The following GLI2 variants were observed in gnomAD, a reference collection of about 807,000 sequenced individuals.
The protein encoded by GLI2 is transcription activator GLI2.
In GLI2, 22 loss-of-function variants were observed where a neutral mutation model predicts 78.9. The observed-to-expected ratio is 0.28, with a 90% confidence interval of 0.20 to 0.40. The LOEUF (loss-of-function observed/expected upper bound fraction) is 0.40, where lower values mean the gene tolerates loss of function less well. Among genes scored for constraint, GLI2 ranks in the 10% least tolerant of loss-of-function variants. The probability of loss-of-function intolerance (pLI) is 1.00; values close to 1 mark genes in which losing one functional copy is unlikely to be tolerated. For synonymous variants in GLI2, 974 were observed against 963.7 expected (o/e 1.01, Z -0.20); for missense variants, 2,097 against 2,213.2 (o/e 0.95, Z 1.05).
chr2:120,823,938 T>C (rs1318904090), intron 2 of GLI2, among the ~76,000 whole-genome samples: 1 of 152,252 alleles, frequency 6.6e-6, no homozygotes, highest in East Asian at 1.9e-4. Flanking sequence ...CGTATTCCTG[T>C]AAAACCATGC....
intron 5 of GLI2, among the ~76,000 whole-genome samples, chr2:120,968,104 G>A (rs1350102493): frequency 6.6e-6 from 1 of 152,200 alleles, no homozygotes; most frequent in African/African-American, 2.4e-5. Context: ...GCAAGCTTCT[G>A]CCACACACAA....
chr2:120,911,509 C>A (rs528117979), intron 2 of GLI2, among the ~76,000 whole-genome samples: 1 of 152,152 alleles, frequency 6.6e-6, no homozygotes, highest in Non-Finnish European at 1.5e-5. Context: ...GGCTTTCTCT[C>A]CTCGGTCCTA....
chr2:120,817,042 A>C (rs1378812511), intron 2 of GLI2, among the ~76,000 whole-genome samples: 2 of 152,236 alleles, frequency 1.3e-5, no homozygotes, highest in Non-Finnish European at 2.9e-5. Context: ...CACATCTTCC[A>C]AATTAGAAGT....
Position 120,988,393 on chromosome 2 carries a change from TC to T in GLI2, c.2433del (p.Tyr812ThrfsTer83). ...YTVSRRSSGI[S>X]PYFSSRRSSE... is the part of the protein sequence containing the mutation. ...CGTGAGCCGCCGCTCCTCCGGCATC[TC>T]CCCCTACTTCTCCAGCCGCCGCTCC... On this transcript the variant is annotated frameshift_variant, in exon 14 of 14. Coordinates refer to ENST00000361492, the MANE Select transcript of GLI2 (RefSeq NM_001374353.1). LOFTEE classifies it low-confidence loss of function (END_TRUNC). 1 of 1,568,772 alleles carries T rather than the reference TC, an allele frequency of 6.4e-7. No homozygotes were observed. The highest frequency in any genetic ancestry group is 8.6e-7 in the Non-Finnish European group (1 of 1,167,674).
chr2:120,865,802 C>A (rs983938875), intron 2 of GLI2, among the ~76,000 whole-genome samples: 8 of 152,238 alleles, frequency 5.3e-5, no homozygotes, highest in Non-Finnish European at 1.0e-4. Context: ...TGCCAGCCAA[C>A]GCCTGCTCAT....
intron 1 of GLI2, among the ~76,000 whole-genome samples, chr2:120,782,319 G>A (rs1321899726): frequency 6.6e-6 from 1 of 152,188 alleles, no homozygotes; most frequent in Non-Finnish European, 1.5e-5. Flanking sequence ...GATAGCTGGA[G>A]TTCTGCTCTT....
intron 1 of GLI2, among the ~76,000 whole-genome samples, chr2:120,753,915 CAAA>C (rs1164921224): frequency 4.6e-5 from 3 of 64,690 alleles, no homozygotes; most frequent in Admixed American, 1.8e-4. Context: ...GACTCCATCT[CAAA>C]AAAAAAAAAA....
In GLI2 at chr2:120,942,633, G is replaced by A. The variant is rs184408359; in HGVS notation, c.255-8610G>A. ...CTGGGAGATCTCATGAGCCCCCCAC[G>A]TGCCTTCCCTCTGCTCCTCACAACA... On this transcript the variant is annotated intron_variant, in intron 3 of 13. Transcript: ENST00000361492. 1.4e-4 allele frequency among the ~76,000 whole-genome samples: 21 copies of A among 152,254 alleles called. No individual in the cohort carries two copies. The East Asian group carries it at 3.5e-3, about 25-fold the overall frequency.
intron 2 of GLI2, among the ~76,000 whole-genome samples, chr2:120,905,561 C>T (rs1189549607): frequency 3.9e-5 from 6 of 152,200 alleles, no homozygotes; most frequent in South Asian, 2.1e-4. Context: ...CCTTTCCAGA[C>T]GCTCAGAGCC....
chr2:120,853,162 G>C (rs537019110), intron 2 of GLI2, among the ~76,000 whole-genome samples: 1 of 152,182 alleles, frequency 6.6e-6, no homozygotes, highest in Non-Finnish European at 1.5e-5. Context: ...GGGGCTGGAG[G>C]GGGGTAGGTC....
At chr2:120,877,453 C>T (rs962970081) in intron 2 of GLI2, among the ~76,000 whole-genome samples, 4 of 152,184 alleles carry the variant, frequency 2.6e-5, no homozygotes, top group East Asian at 1.9e-4. Context: ...AACACATCCA[C>T]GTAACCAGCA....
rs1347638065 is a variant in GLI2, at chr2:120,917,927, G to A, written c.149-9434G>A. Among the ~76,000 whole-genome samples the A allele has an allele frequency of 3.3e-5, 5 of 152,228 alleles. No individual in the cohort carries two copies. In the East Asian group the frequency reaches 9.6e-4, roughly 29 times the overall value. On this transcript the variant is annotated intron_variant, in intron 2 of 13. Coordinates refer to ENST00000361492, the MANE Select transcript of GLI2 (RefSeq NM_001374353.1). ...GTGGGAACCACCAGAGCTTGTAGTA[G>A]CCAGCCTAAGCCTCCTGGGGATTGG...
chr2:120,753,822 C>T (rs1253432681), intron 1 of GLI2, among the ~76,000 whole-genome samples: 3 of 149,210 alleles, frequency 2.0e-5, no homozygotes, highest in Admixed American at 6.7e-5. Context: ...GGCGGAAACC[C>T]GGGAGGCGGA....
intron 2 of GLI2, among the ~76,000 whole-genome samples, chr2:120,910,242 C>T (rs1455228662): frequency 6.6e-6 from 1 of 152,194 alleles, no homozygotes; most frequent in Non-Finnish European, 1.5e-5. Context: ...GTCAGCAGGC[C>T]TGAGCCAGGG....
At chr2:120,942,022 C>T (rs1680472211) in intron 3 of GLI2, among the ~76,000 whole-genome samples, 1 of 152,190 alleles carries the variant, frequency 6.6e-6, no homozygotes, top group African/African-American at 2.4e-5. Flanking sequence ...TCAAAGGGAG[C>T]ATCTACTGGA....
At chr2:120,984,429 C>G in intron 11 of GLI2, 42 bp from the exon 12 acceptor site, 10 of 1,608,510 alleles carry the variant, frequency 6.2e-6, no homozygotes, top group Non-Finnish European at 8.5e-6. Flanking sequence ...AGAGTTGATC[C>G]TCGTACCCCT....
chr2:120,982,893 GGCATGCACTGGGCAT>G lies in GLI2; in HGVS notation c.1632+17_1632+31del. On this transcript the variant is annotated intron_variant, in intron 11 of 13. Coordinates refer to ENST00000361492, the MANE Select transcript of GLI2 (RefSeq NM_001374353.1). Reference sequence around the variant, plus strand: ...CCACTCCAACGAGGTACCTCTGCGGGGCATGCACTGGGCATGCACACTGGGGCCCCACTGACGCCC... The same window carrying G: ...CCACTCCAACGAGGTACCTCTGCGGGGCACACTGGGGCCCCACTGACGCCC... The G allele has an allele frequency of 6.2e-7, 1 of 1,612,558 alleles. No homozygotes were observed. The highest frequency in any genetic ancestry group is 8.5e-7 in the Non-Finnish European group (1 of 1,179,052).
At chr2:120,977,724 C>T (rs940950089) in intron 9 of GLI2, among the ~76,000 whole-genome samples, 2 of 152,160 alleles carry the variant, frequency 1.3e-5, no homozygotes, top group Non-Finnish European at 1.5e-5. Flanking sequence ...AACTCACTTG[C>T]CTGGGGCCGT....
At chr2:120,782,035 A>T (rs1454901225) in intron 1 of GLI2, among the ~76,000 whole-genome samples, 4 of 152,136 alleles carry the variant, frequency 2.6e-5, no homozygotes, top group Non-Finnish European at 5.9e-5. Flanking sequence ...TTTTATTTTC[A>T]CTTACGTGTG....
Sources: allele counts gnomAD v4.1 joint callset (sites outside exome capture counted in the v4.1 genomes callset), GRCh38; gene constraint gnomAD v4.1.1; transcripts MANE v1.5; gene names NCBI Gene and HGNC (gene_info 2026-07-23, HGNC 2026-07-21).